The following PPIP5K2 variants were observed in gnomAD, a reference collection of about 807,000 sequenced individuals.
The protein encoded by PPIP5K2 is diphosphoinositol pentakisphosphate kinase 2, also known as inositol hexakisphosphate and diphosphoinositol-pentakisphosphate kinase 2.
Under a neutral mutation model 154.6 loss-of-function variants are expected in PPIP5K2, and 105 were observed. The observed-to-expected ratio is 0.68, with a 90% CI of 0.58 to 0.80. The LOEUF is 0.80. PPIP5K2 is among the 30% of genes least tolerant of loss of function. The pLI, the probability that PPIP5K2 is intolerant of heterozygous loss-of-function variation, is 0.00. For missense variants in PPIP5K2, 992 were observed against 1,504.6 expected (o/e 0.66, Z 5.64); for synonymous variants, 480 against 490.3 (o/e 0.98, Z 0.28).
chr5:103,192,714 C>T (rs1276361207), intron 29 of PPIP5K2, among the ~76,000 whole-genome samples: 2 of 152,066 alleles, frequency 1.3e-5, no homozygotes, highest in Non-Finnish European at 1.5e-5. Context: ...TTCAGTTCAT[C>T]AGAGTGTATT....
In PPIP5K2 at chr5:103,212,333, T is replaced by C. The variant is rs1359728353; in HGVS notation, c.*10699T>C. The stretch of plus-strand genomic sequence containing the variant: ...GCAATAGGAAACCACACTGAAGACA[T>C]TCTCACAATTTAAAACAAGTTGTAA... On this transcript the variant is annotated 3_prime_UTR_variant, in exon 31 of 31. Coordinates refer to ENST00000358359, the MANE Select transcript of PPIP5K2 (RefSeq NM_001276277.3). 6.6e-6 allele frequency: 1 copy of C among 152,590 alleles called. No homozygotes were observed. Among genetic ancestry groups the C allele is most frequent in the Non-Finnish European group, 1.5e-5 (1 of 67,980 alleles). The allele number at this position is 152,590 out of a possible 1,614,324, so 9.5% of individuals were successfully genotyped here.
In PPIP5K2 at chr5:103,147,974, G is replaced by A. The variant is rs781849805; in HGVS notation, c.686G>A (p.Arg229Gln). ...GTTTATTCTCCAGAAAGCAATGTAC[G>A]AAAAACAGGCTCATATATATATGAA... ...SSVYSPESNVRKTGSYIYEEF... is the reference protein window; with the variant it reads ...SSVYSPESNVQKTGSYIYEEF... The change falls in exon 7 of 31, where the codon CGA becomes CAA. Residue 229 changes from arginine (R) to glutamine (Q), a missense_variant. Arg to Gln is a conservative substitution (Grantham distance 43, BLOSUM62 1). Coordinates refer to ENST00000358359, the MANE Select transcript of PPIP5K2 (RefSeq NM_001276277.3). 4 of 1,603,810 alleles carry A rather than the reference G, an allele frequency of 2.5e-6. No individual in the cohort carries two copies. Among genetic ancestry groups the A allele is most frequent in the Admixed American group, 1.7e-5 (1 of 59,358 alleles).
intron 17 of PPIP5K2, among the ~76,000 whole-genome samples, chr5:103,160,919 T>C (rs1317511368): frequency 6.6e-6 from 1 of 151,982 alleles, no homozygotes; most frequent in Non-Finnish European, 1.5e-5. Flanking sequence ...TAGCAGGTAA[T>C]GTCAAACTGT....
intron 17 of PPIP5K2, among the ~76,000 whole-genome samples, chr5:103,160,165 T>C (rs1174853936): frequency 6.6e-6 from 1 of 152,248 alleles, no homozygotes; most frequent in Non-Finnish European, 1.5e-5. Flanking sequence ...CTTTATTCAT[T>C]CATCTGTTAT....
At chr5:103,166,846 T>G (rs145476006) in intron 17 of PPIP5K2, among the ~76,000 whole-genome samples, 1 of 151,852 alleles carries the variant, frequency 6.6e-6, no homozygotes, top group Non-Finnish European at 1.5e-5. Flanking sequence ...ATCTTAGAGG[T>G]CTTCATCTTT....
chr5:103,200,830 G>A (rs1802863283), intron 30 of PPIP5K2, among the ~76,000 whole-genome samples: 1 of 151,838 alleles, frequency 6.6e-6, no homozygotes, highest in Non-Finnish European at 1.5e-5. Context: ...AGAGAAGGGG[G>A]TCTCACTATG....
intron 14 of PPIP5K2, among the ~76,000 whole-genome samples, chr5:103,157,636 G>A (rs1795619541): frequency 6.6e-6 from 1 of 151,808 alleles, no homozygotes; most frequent in South Asian, 2.1e-4. Context: ...AAATTAGCCA[G>A]GCGCCTGTAG....
At position 103,183,094 on chromosome 5, in the gene PPIP5K2, A is replaced by G. The variant is rs26822; in HGVS notation, c.2923-140A>G. 0.31 allele frequency: 251,593 copies of G among 807,220 alleles called. 42,587 individuals are homozygous for G. Among genetic ancestry groups the G allele is most frequent in the East Asian group, 0.46 (13,441 of 29,514 alleles). The allele number at this position is 807,220 out of a possible 1,614,324, so 50.0% of individuals were successfully genotyped here. On this transcript the variant is annotated intron_variant, in intron 24 of 30. Coordinates refer to ENST00000358359, the MANE Select transcript of PPIP5K2 (RefSeq NM_001276277.3). Reference sequence around the variant, plus strand: ...TGCTGTGTAATGGTTTTTTAAAAAAATTAATAAGCAAATATGAACAAACTG... The same window carrying G: ...TGCTGTGTAATGGTTTTTTAAAAAAGTTAATAAGCAAATATGAACAAACTG...
At position 103,201,804 on chromosome 5, in the gene PPIP5K2, T is replaced by G. The variant is rs1803067806; in HGVS notation, c.*170T>G. On this transcript the variant is annotated 3_prime_UTR_variant, in exon 31 of 31. Transcript: ENST00000358359. ...ATCTGGAAATGTTTAAAACAATGTTTGTTAGCATTCTGTGAGCAGCAAAAC... is the reference window on the plus strand; with the variant it reads ...ATCTGGAAATGTTTAAAACAATGTTGGTTAGCATTCTGTGAGCAGCAAAAC... 5.2e-6 allele frequency: 3 copies of G among 581,492 alleles called. No homozygotes were observed. Among genetic ancestry groups the G allele is most frequent in the Non-Finnish European group, 9.1e-6 (3 of 330,974 alleles). The allele number at this position is 581,492 out of a possible 1,614,324, so 36.0% of individuals were successfully genotyped here. A position where few individuals can be genotyped will look rare whatever the true frequency, so the allele number is the denominator to read the frequency against.
chr5:103,156,854 T>C (rs1330677409), intron 14 of PPIP5K2, among the ~76,000 whole-genome samples: 4 of 152,186 alleles, frequency 2.6e-5, no homozygotes, highest in Non-Finnish European at 4.4e-5. Context: ...CATAGTGGTA[T>C]TATTTATAGT....
At position 103,201,618 on chromosome 5, in the gene PPIP5K2, C is replaced by A; in HGVS notation, c.3716C>A (p.Thr1239Asn). Residue 1239 changes from threonine (T) to asparagine (N), a missense_variant, in exon 31 of 31, where the codon ACT becomes AAT. Coordinates refer to ENST00000358359, the MANE Select transcript of PPIP5K2 (RefSeq NM_001276277.3). ...GAAACGCATGAACACAAAAAAAACA[C>A]TGGGAAAAAGAAATGAAATCTTAGC... ...KTETHEHKKN[T>N]GKKK 1 of 1,596,682 alleles carries A rather than the reference C, an allele frequency of 6.3e-7. No individual in the cohort carries two copies. The highest frequency in any genetic ancestry group is 8.5e-7 in the Non-Finnish European group (1 of 1,169,698).
intron 14 of PPIP5K2, among the ~76,000 whole-genome samples, chr5:103,157,467 C>T (rs1197693829): frequency 1.3e-5 from 2 of 151,952 alleles, no homozygotes; most frequent in African/African-American, 4.8e-5. Context: ...TGCAAATCAC[C>T]GATTTCCAAT....
At chr5:103,194,775 T>G (rs1801798552) in intron 29 of PPIP5K2, 125 bp from the exon 30 acceptor site, 4 of 1,088,300 alleles carry the variant, frequency 3.7e-6, no homozygotes, top group Admixed American at 5.6e-5. Context: ...TGAATTTACC[T>G]TGACCATTTT....
chr5:103,161,823 C>T (rs891039909), intron 17 of PPIP5K2, among the ~76,000 whole-genome samples: 1 of 151,708 alleles, frequency 6.6e-6, no homozygotes, highest in Non-Finnish European at 1.5e-5. Flanking sequence ...TTGTAAATTT[C>T]TTTGAGTTCT....
intron 30 of PPIP5K2, among the ~76,000 whole-genome samples, chr5:103,199,725 T>A (rs1239757240): frequency 6.6e-6 from 1 of 152,158 alleles, no homozygotes; most frequent in African/African-American, 2.4e-5. Context: ...TTTCATTCTG[T>A]TGTTAAACCC....
At position 103,208,882 on chromosome 5, in the gene PPIP5K2, C is replaced by T. The variant is rs1803654878; in HGVS notation, c.*7248C>T. On this transcript the variant is annotated 3_prime_UTR_variant, in exon 31 of 31. Transcript: ENST00000358359. ...TTTGTTGAAGATAGTTTATGTTTCT[C>T]TTCATATTTGATGATAATTTTTTAA... 1 of 152,084 alleles carries T rather than the reference C, an allele frequency of 6.6e-6. No homozygotes were observed. The highest frequency in any genetic ancestry group is 6.6e-5 in the Admixed American group (1 of 15,266). The allele number at this position is 152,084 out of a possible 1,614,324, so 9.4% of individuals were successfully genotyped here. A position where few individuals can be genotyped will look rare whatever the true frequency, so the allele number is the denominator to read the frequency against.
At chr5:103,163,693 A>G (rs1214603803) in intron 17 of PPIP5K2, among the ~76,000 whole-genome samples, 6 of 151,974 alleles carry the variant, frequency 3.9e-5, no homozygotes, top group Non-Finnish European at 2.9e-5. Flanking sequence ...CATTGTTTCT[A>G]TTTGGCTGAG....
rs1803833449 is a variant in PPIP5K2, at chr5:103,212,013, T to G, written c.*10379T>G. 4 of 152,284 alleles carry G rather than the reference T, an allele frequency of 2.6e-5. No homozygotes were observed. The South Asian group carries it at 8.3e-4, about 32-fold the overall frequency. The allele number at this position is 152,284 out of a possible 1,614,324, so 9.4% of individuals were successfully genotyped here. On this transcript the variant is annotated 3_prime_UTR_variant, in exon 31 of 31. Coordinates refer to ENST00000358359, the MANE Select transcript of PPIP5K2 (RefSeq NM_001276277.3). ...CTGTCCAAGGGATATGAAAGGTACCTCAACCTTTGGTTTTGGTTTTGGTTT... is the reference window on the plus strand; with the variant it reads ...CTGTCCAAGGGATATGAAAGGTACCGCAACCTTTGGTTTTGGTTTTGGTTT...
intron 2 of PPIP5K2, among the ~76,000 whole-genome samples, chr5:103,132,145 A>G (rs1790724535): frequency 6.6e-6 from 1 of 152,192 alleles, no homozygotes. Flanking sequence ...GAGAGTTAGC[A>G]TTTATAATCT....
Sources: allele counts gnomAD v4.1 joint callset (sites outside exome capture counted in the v4.1 genomes callset), GRCh38; gene constraint gnomAD v4.1.1; transcripts MANE v1.5; gene names NCBI Gene and HGNC (gene_info 2026-07-23, HGNC 2026-07-21).